AXDND1: variants seen among roughly 807,000 people sequenced by gnomAD.
The protein encoded by AXDND1 is axonemal dynein light chain domain containing 1.
AXDND1 carries 110 observed loss-of-function variants against 137.5 expected under a neutral mutation model. The ratio of observed to expected loss-of-function variants is 0.80; its 90% CI spans 0.69 to 0.94. AXDND1 has a LOEUF of 0.94. AXDND1 is among the 40% of genes least tolerant of loss of function. The pLI, the probability that AXDND1 is intolerant of heterozygous loss-of-function variation, is 0.00. For synonymous variants in AXDND1, 414 were observed against 399.7 expected, an observed-to-expected ratio of 1.04 and a Z score of -0.43; for missense variants, 1,191 against 1,169.8, an observed-to-expected ratio of 1.02 and a Z score of -0.26.
chr1:179,531,949 G>A (rs1671076343), intron 23 of AXDND1, among the ~76,000 whole-genome samples: 1 of 152,230 alleles, frequency 6.6e-6, no homozygotes, highest in Non-Finnish European at 1.5e-5. Context: ...TAGCACAAAA[G>A]CCAGAGGAAG....
chr1:179,543,361 G>A (rs138341596), intron 25 of AXDND1: 107 of 152,316 alleles, frequency 7.0e-4, no homozygotes, highest in African/African-American at 2.5e-3. Context: ...GTGTGGAGAA[G>A]TTACACTAAC....
chr1:179,381,266 TCC>T (rs1648248865), intron 6 of AXDND1, among the ~76,000 whole-genome samples: 1 of 151,720 alleles, frequency 6.6e-6, no homozygotes, highest in Non-Finnish European at 1.5e-5. Flanking sequence ...GGTCTCGAAC[TCC>T]TGACCTCAGG....
intron 20 of AXDND1, among the ~76,000 whole-genome samples, chr1:179,501,008 A>G (rs1667942719): frequency 1.3e-5 from 2 of 152,220 alleles, no homozygotes; most frequent in South Asian, 4.1e-4. Flanking sequence ...CTCTCCAGTC[A>G]TATTAGCCAT....
At chr1:179,533,359 G>A (rs897497925) in intron 23 of AXDND1, among the ~76,000 whole-genome samples, 1 of 152,026 alleles carries the variant, frequency 6.6e-6, no homozygotes, top group African/African-American at 2.4e-5. Flanking sequence ...GGAATTTAAC[G>A]ACTTCATTGG....
intron 18 of AXDND1, among the ~76,000 whole-genome samples, chr1:179,485,234 C>T (rs1422968151): frequency 2.6e-5 from 4 of 152,182 alleles, no homozygotes; most frequent in African/African-American, 9.7e-5. Context: ...TGTAAACAAG[C>T]ACGGATCCCA....
chr1:179,476,407 A>T (rs12136100), intron 17 of AXDND1, among the ~76,000 whole-genome samples: 130,847 of 152,190 alleles, frequency 0.86, 56,440 homozygotes, highest in East Asian at 0.9. Flanking sequence ...AAATATGCAT[A>T]CATTCTGTCT....
chr1:179,483,331 A>G lies in AXDND1; in HGVS notation c.2091+110A>G, dbSNP rs1665654611. The G allele has an allele frequency of 2.0e-5, 12 of 601,646 alleles. No homozygotes were observed. In the South Asian group the frequency reaches 2.7e-4, roughly 14 times the overall value. 37.3% of individuals were successfully genotyped at this position (601,646 alleles called of 1,614,324 possible). A position where few individuals can be genotyped will look rare whatever the true frequency, so the allele number is the denominator to read the frequency against. ...AATGAAGCAGGAGGTTGAGAGGGCA[A>G]AATAGAAGCTTGTATAATAATTTCT... On this transcript the variant is annotated intron_variant, in intron 18 of 25. Coordinates refer to ENST00000367618, the MANE Select transcript of AXDND1 (RefSeq NM_144696.6).
intron 4 of AXDND1, among the ~76,000 whole-genome samples, chr1:179,375,060 TTGAG>T (rs1342230952): frequency 6.6e-6 from 1 of 151,760 alleles, no homozygotes; most frequent in Non-Finnish European, 1.5e-5. Flanking sequence ...TTGAGAGAAT[TTGAG>T]TGATGATTAC....
rs756674750 is a variant in AXDND1, at chr1:179,379,492, A to G, written c.581+10A>G. ...TGGAGTGTTATGATGAGTGAGTACT[A>G]TGATATGTAAAAAATACCTGCCCCA... On this transcript the variant is annotated intron_variant, in intron 6 of 25. Transcript: ENST00000367618. The G allele has an allele frequency of 3.1e-6, 5 of 1,607,858 alleles. No homozygotes were observed. Among genetic ancestry groups the G allele is most frequent in the East Asian group, 2.2e-5 (1 of 44,744 alleles).
At chr1:179,454,084 G>C (rs1243620457) in intron 16 of AXDND1, 1 of 152,164 alleles carries the variant, frequency 6.6e-6, no homozygotes, top group African/African-American at 2.4e-5. Flanking sequence ...AGGCATGGTT[G>C]GTTTTGAAGT....
chr1:179,434,404 GA>G lies in AXDND1; in HGVS notation c.1563+2066del, dbSNP rs543473711. Among the ~76,000 whole-genome samples, 22 of 152,228 alleles carry G rather than the reference GA, an allele frequency of 1.4e-4. No individual in the cohort carries two copies. The East Asian group carries it at 3.1e-3, about 21-fold the overall frequency. On this transcript the variant is annotated intron_variant, in intron 15 of 25. Transcript: ENST00000367618. ...CCTGGCAGAGACACAACAAAAAAAAGAAAACTTCAGGCCAGTATCCCTGATG... is the reference window on the plus strand; with the variant it reads ...CCTGGCAGAGACACAACAAAAAAAAGAAACTTCAGGCCAGTATCCCTGATG...
At chr1:179,480,944 T>C (rs1665289222) in intron 17 of AXDND1, among the ~76,000 whole-genome samples, 2 of 150,372 alleles carry the variant, frequency 1.3e-5, no homozygotes, top group South Asian at 4.2e-4. Flanking sequence ...TATTTATTTT[T>C]ATTTAAAATA....
intron 18 of AXDND1, among the ~76,000 whole-genome samples, chr1:179,490,387 A>C (rs2125575346): frequency 6.6e-6 from 1 of 152,300 alleles, no homozygotes; most frequent in Admixed American, 6.5e-5. Flanking sequence ...GGTTTTCTGC[A>C]TTTTATTTCT....
chr1:179,521,010 G>A (rs149059121), intron 21 of AXDND1, among the ~76,000 whole-genome samples: 1 of 151,818 alleles, frequency 6.6e-6, no homozygotes, highest in Middle Eastern at 3.4e-3. Context: ...CACCCAGGCT[G>A]GAGTTCAGCG....
intron 14 of AXDND1, 61 bp from the exon 15 acceptor site, chr1:179,432,206 C>G (rs1024523914): frequency 6.8e-7 from 1 of 1,466,034 alleles, no homozygotes; most frequent in Non-Finnish European, 9.1e-7. Flanking sequence ...AGTGTGTGAA[C>G]TGATGATCTT....
intron 10 of AXDND1, 67 bp downstream of exon 10, chr1:179,394,110 A>G (rs1558115441): frequency 6.9e-7 from 1 of 1,446,792 alleles, no homozygotes; most frequent in Non-Finnish European, 9.2e-7. Flanking sequence ...GGAGTAAAAA[A>G]TATTTAGGGA....
At chr1:179,494,934 A>G (rs904047220) in intron 20 of AXDND1, among the ~76,000 whole-genome samples, 4 of 152,160 alleles carry the variant, frequency 2.6e-5, no homozygotes, top group African/African-American at 9.7e-5. Flanking sequence ...TGGATATCCA[A>G]TTGTTTTAGC....
At chr1:179,531,868 A>G (rs1193048950) in intron 23 of AXDND1, among the ~76,000 whole-genome samples, 2 of 152,216 alleles carry the variant, frequency 1.3e-5, no homozygotes, top group Non-Finnish European at 2.9e-5. Flanking sequence ...GGCACAAGCA[A>G]GGAGGGTCCA....
intron 21 of AXDND1, among the ~76,000 whole-genome samples, chr1:179,514,336 A>T (rs995484414): frequency 1.3e-5 from 2 of 152,288 alleles, no homozygotes; most frequent in South Asian, 2.1e-4. Context: ...CCAAATGATC[A>T]TTCAGGAGCA....
Sources: allele counts gnomAD v4.1 joint callset (sites outside exome capture counted in the v4.1 genomes callset), GRCh38; gene constraint gnomAD v4.1.1; transcripts MANE v1.5; gene names NCBI Gene and HGNC (gene_info 2026-07-23, HGNC 2026-07-21).